The following EML6 variants were observed in gnomAD, a reference collection of about 807,000 sequenced individuals.
The protein encoded by EML6 is echinoderm microtubule-associated protein-like 6.
EML6 carries 154 observed loss-of-function variants against 240.1 expected under a neutral mutation model. That is an observed-to-expected ratio of 0.64 (90% confidence interval 0.56 to 0.73). EML6 has a LOEUF of 0.73. Among genes scored for constraint, EML6 ranks in the 30% least tolerant of loss-of-function variants. The probability of loss-of-function intolerance (pLI) is 0.00; values close to 1 mark genes in which losing one functional copy is unlikely to be tolerated. For synonymous variants in EML6, 1,148 were observed against 899.0 expected (o/e 1.28, Z -4.95); for missense variants, 2,964 against 2,474.6 (o/e 1.20, Z -4.20).
intron 4 of EML6, among the ~76,000 whole-genome samples, chr2:54,817,130 TTTAC>T (rs1668116149): frequency 6.6e-6 from 1 of 152,218 alleles, no homozygotes; most frequent in African/African-American, 2.4e-5. Context: ...ATGCTGGCAT[TTTAC>T]TTTATGAAAT....
chr2:54,791,020 C>T (rs956298220), intron 2 of EML6, among the ~76,000 whole-genome samples: 3 of 152,154 alleles, frequency 2.0e-5, no homozygotes, highest in Middle Eastern at 3.2e-3. Context: ...CCACCGCGCC[C>T]GGCCGGTAAC....
intron 33 of EML6, 53 bp from the exon 34 acceptor site, chr2:54,959,051 G>T: frequency 6.7e-7 from 1 of 1,484,818 alleles, no homozygotes; most frequent in Non-Finnish European, 9.0e-7. Context: ...GGTGGCTGGG[G>T]AGGGACCCGC....
At chr2:54,804,113 G>C (rs541485897) in intron 2 of EML6, among the ~76,000 whole-genome samples, 1 of 152,236 alleles carries the variant, frequency 6.6e-6, no homozygotes, top group East Asian at 1.9e-4. Flanking sequence ...CTACAAGAAA[G>C]GTAGAATGCT....
At chr2:54,781,171 T>C (rs1285837043) in intron 2 of EML6, among the ~76,000 whole-genome samples, 1 of 152,200 alleles carries the variant, frequency 6.6e-6, no homozygotes. Flanking sequence ...CCTTTTTACA[T>C]GCGAGGCATA....
At chr2:54,953,056 C>T (rs1676059815) in intron 31 of EML6, among the ~76,000 whole-genome samples, 1 of 152,122 alleles carries the variant, frequency 6.6e-6, no homozygotes, top group South Asian at 2.1e-4. Context: ...CCCCTGTGCC[C>T]TGGGAAACTG....
At chr2:54,812,688 G>A (rs1445445176) in intron 2 of EML6, among the ~76,000 whole-genome samples, 1 of 152,054 alleles carries the variant, frequency 6.6e-6, no homozygotes, top group Non-Finnish European at 1.5e-5. Context: ...AGTGATCTAT[G>A]TAAAATGGAA....
chr2:54,894,883 G>A (rs1216183101), intron 19 of EML6, 32 bp from the exon 20 acceptor site: 3 of 1,469,086 alleles, frequency 2.0e-6, no homozygotes, highest in African/African-American at 1.4e-5. Flanking sequence ...ATTTTGATGT[G>A]TATATAATAC....
chr2:54,910,947 G>A lies in EML6; in HGVS notation c.3410-7G>A, dbSNP rs373511578. The stretch of plus-strand genomic sequence containing the variant: ...AATTATCTCTCTACTTCGTTCTGTC[G>A]TAACAGGAAAATTATTGCAAGTGAA... On this transcript the variant is annotated splice_polypyrimidine_tract_variant and splice_region_variant and intron_variant, in intron 24 of 41. Coordinates refer to ENST00000356458, the MANE Select transcript of EML6 (RefSeq NM_001039753.4). 95 of 1,506,926 alleles carry A rather than the reference G, an allele frequency of 6.3e-5. No homozygotes were observed. The highest frequency in any genetic ancestry group is 7.7e-5 in the Non-Finnish European group (85 of 1,110,004). The allele number at this position is 1,506,926 out of a possible 1,614,324, so 93.3% of individuals were successfully genotyped here.
In EML6 at chr2:54,788,266, C is replaced by T. The variant is rs1033834259; in HGVS notation, c.198-24966C>T. Among the ~76,000 whole-genome samples the T allele has an allele frequency of 5.3e-5, 8 of 152,226 alleles. No individual in the cohort carries two copies. In the South Asian group the frequency reaches 1.0e-3, roughly 20 times the overall value. ...GGCCTGCAAGGCGGGCTGCCCTCTTCTCTCTGGCATCTGTAAGTAACACCG... is the reference window on the plus strand; with the variant it reads ...GGCCTGCAAGGCGGGCTGCCCTCTTTTCTCTGGCATCTGTAAGTAACACCG... On this transcript the variant is annotated intron_variant, in intron 2 of 41. Transcript: ENST00000356458.
At chr2:54,958,580 T>G (rs1676345330) in intron 33 of EML6, among the ~76,000 whole-genome samples, 2 of 152,110 alleles carry the variant, frequency 1.3e-5, no homozygotes, top group South Asian at 4.2e-4. Flanking sequence ...CAACCCTGAG[T>G]TGCAAGCCCC....
intron 26 of EML6, among the ~76,000 whole-genome samples, chr2:54,923,401 ACAC>A (rs1271850649): frequency 1.1e-4 from 17 of 150,282 alleles, no homozygotes; most frequent in African/African-American, 3.5e-4. Flanking sequence ...ACACACACAC[ACAC>A]AATGGTAACT....
In EML6 at chr2:54,964,101, A is replaced by T. The variant is rs1241556181; in HGVS notation, c.5273A>T (p.Asn1758Ile). 6.4e-7 allele frequency: 1 copy of T among 1,551,716 alleles called. No homozygotes were observed. Among genetic ancestry groups the T allele is most frequent in the Admixed American group, 2.0e-5 (1 of 51,008 alleles). The change falls in exon 37 of 42, where the codon AAC becomes ATC. Residue 1758 changes from asparagine (N) to isoleucine (I), a missense_variant. Transcript: ENST00000356458. ...KNGEFVILLV[N>I]SLKVWGKKRD... The stretch of plus-strand genomic sequence containing the variant: ...GGAGAGTTTGTCATCTTGTTGGTGA[A>T]CAGCCTGAAAGTTTGGGGGAAAAAA...
chr2:54,832,047 C>CT (rs1376349149), intron 7 of EML6, among the ~76,000 whole-genome samples: 2 of 152,212 alleles, frequency 1.3e-5, no homozygotes, highest in Non-Finnish European at 1.5e-5. Flanking sequence ...AAATTATCCT[C>CT]TCCCCCTGGC....
intron 35 of EML6, among the ~76,000 whole-genome samples, chr2:54,961,197 T>G (rs1033152166): frequency 2.5e-5 from 3 of 121,660 alleles, no homozygotes; most frequent in Non-Finnish European, 5.1e-5. Context: ...TTTTTTTTTT[T>G]TTTTTTGAGA....
chr2:54,941,155 A>G (rs893512766), intron 28 of EML6, among the ~76,000 whole-genome samples: 1 of 152,148 alleles, frequency 6.6e-6, no homozygotes, highest in Non-Finnish European at 1.5e-5. Flanking sequence ...CAATAATTTT[A>G]TATGTTTATA....
At chr2:54,944,121 C>G (rs563391625) in intron 28 of EML6, among the ~76,000 whole-genome samples, 1 of 152,138 alleles carries the variant, frequency 6.6e-6, no homozygotes, top group African/African-American at 2.4e-5. Flanking sequence ...TCTACCCTCT[C>G]TCTTAATTAA....
At position 54,917,186 on chromosome 2, in the gene EML6, AG is replaced by A. The variant is rs1240829503; in HGVS notation, c.3675+252del. 4.6e-5 allele frequency among the ~76,000 whole-genome samples: 7 copies of A among 152,210 alleles called. No individual in the cohort carries two copies. In the South Asian group the frequency reaches 8.3e-4, roughly 18 times the overall value. ...CCAACATCTCACAAACTGCAAAGTAAGTGTTACCTTTACAACCTCACAGACC... is the reference window on the plus strand; with the variant it reads ...CCAACATCTCACAAACTGCAAAGTAATGTTACCTTTACAACCTCACAGACC... On this transcript the variant is annotated intron_variant, in intron 26 of 41. Transcript: ENST00000356458.
At chr2:54,921,808 C>T (rs1255002941) in intron 26 of EML6, among the ~76,000 whole-genome samples, 1 of 151,818 alleles carries the variant, frequency 6.6e-6, no homozygotes, top group East Asian at 1.9e-4. Context: ...ACAAGGATAC[C>T]AAAAATATAC....
intron 28 of EML6, among the ~76,000 whole-genome samples, chr2:54,929,644 C>A (rs934813982): frequency 4.0e-5 from 6 of 151,802 alleles, no homozygotes; most frequent in Admixed American, 3.3e-4. Context: ...ATAAGTCTGA[C>A]CTATCACTTC....
Sources: gnomAD v4.1 joint callset for allele counts (sites outside exome capture counted in the v4.1 genomes callset) on GRCh38, gnomAD v4.1.1 for gene constraint, MANE v1.5 for transcripts, NCBI Gene and HGNC (gene_info 2026-07-23, HGNC 2026-07-21) for gene names.